SESN1: variants seen among roughly 807,000 people sequenced by gnomAD.
SESN1 encodes the protein sestrin-1.
SESN1 carries 30 observed loss-of-function variants against 59.3 expected under a neutral mutation model. The observed-to-expected ratio is 0.51, with a 90% CI of 0.38 to 0.69. SESN1 has a LOEUF of 0.69. Ranked by LOEUF, SESN1 falls within the 30% of genes least tolerant of loss-of-function variation. SESN1 has a pLI of 0.00. For missense variants in SESN1, 566 were observed against 673.0 expected (o/e 0.84, Z 1.76); for synonymous variants, 197 against 219.9 (o/e 0.90, Z 0.92).
intron 1 of SESN1, chr6:109,009,374 G>GC (rs1372669411): frequency 6.8e-7 from 1 of 1,467,640 alleles, no homozygotes; most frequent in Non-Finnish European, 9.0e-7. Context: ...CCTGGTCGCG[G>GC]CCCCCGCCGC....
At chr6:109,021,644 G>A (rs1382144689) in intron 1 of SESN1, among the ~76,000 whole-genome samples, 32 of 152,018 alleles carry the variant, frequency 2.1e-4, no homozygotes, top group Non-Finnish European at 1.5e-5. Context: ...GTTTCACTAT[G>A]TTGGCCAGGC....
chr6:109,000,487 T>G lies in SESN1; in HGVS notation c.729+4A>C, dbSNP rs1001133053. On this transcript the variant is annotated splice_donor_region_variant and intron_variant, in intron 4 of 9. Transcript: ENST00000436639. ...CTCCCAAGATATATTACCCCACTGC[T>G]TACCTCAATGTGTTCTTTGGTAATA... The G allele has an allele frequency of 6.5e-7, 1 of 1,544,758 alleles. No homozygotes were observed. Among genetic ancestry groups the G allele is most frequent in the African/African-American group, 1.4e-5 (1 of 72,512 alleles).
At position 108,994,546 on chromosome 6, in the gene SESN1, G is replaced by C. The variant is rs1218235551; in HGVS notation, c.1036C>G (p.Arg346Gly). ...TCCTGACTTGCCTCTTCTTCATCTC[G>C]ACATTCCTGTAACTGCCTCATCTTT... is the stretch of plus-strand genomic sequence containing the variant. ...MEKMRQLQEC[R>G]DEEEASQEEM... Residue 346 changes from arginine to glycine, a missense_variant, in exon 6 of 10, where the codon CGA becomes GGA. Arg to Gly is a moderately radical substitution (Grantham distance 125). Transcript: ENST00000436639. 6.2e-7 allele frequency: 1 copy of C among 1,613,094 alleles called. No individual in the cohort carries two copies. Among genetic ancestry groups the C allele is most frequent in the African/African-American group, 1.3e-5 (1 of 74,840 alleles).
At chr6:108,992,060 A>T (rs1169743320) in intron 7 of SESN1, among the ~76,000 whole-genome samples, 1 of 152,108 alleles carries the variant, frequency 6.6e-6, no homozygotes, top group East Asian at 1.9e-4. Context: ...TTGCATAATT[A>T]TTCTATAACT....
At chr6:108,989,395 A>C (rs745927960) in intron 8 of SESN1, among the ~76,000 whole-genome samples, 21 of 150,830 alleles carry the variant, frequency 1.4e-4, no homozygotes, top group Non-Finnish European at 2.5e-4. Context: ...CTCTCTCTCT[A>C]TATATAGATA....
In SESN1 at chr6:108,986,039, T is replaced by C. The variant is rs1442343097; in HGVS notation, c.*1505A>G. On this transcript the variant is annotated 3_prime_UTR_variant, in exon 10 of 10. Transcript: ENST00000436639. ...CATACATTTGTAGGCAGGCACTAGA[T>C]TGAGCTCAATAAATGTTTTGAGGAG... 1.3e-5 allele frequency among the ~76,000 whole-genome samples: 2 copies of C among 152,140 alleles called. No homozygotes were observed. Among genetic ancestry groups the C allele is most frequent in the African/African-American group, 4.8e-5 (2 of 41,434 alleles).
intron 1 of SESN1, among the ~76,000 whole-genome samples, chr6:109,035,676 C>T (rs1780238585): frequency 2.0e-5 from 3 of 152,174 alleles, no homozygotes. Flanking sequence ...TCATAATGCA[C>T]TGCTGCCTCA....
intron 1 of SESN1, among the ~76,000 whole-genome samples, chr6:109,025,812 A>T (rs1172371126): frequency 6.6e-6 from 1 of 152,114 alleles, no homozygotes; most frequent in Non-Finnish European, 1.5e-5. Flanking sequence ...GAGAGAGAAA[A>T]TAAAAGACAT....
chr6:108,989,609 ATCTC>A (rs1286145718), intron 8 of SESN1, among the ~76,000 whole-genome samples: 3 of 151,612 alleles, frequency 2.0e-5, no homozygotes, highest in East Asian at 1.9e-4. Flanking sequence ...AGAGATAGAT[ATCTC>A]TCTATATAGA....
chr6:109,030,200 C>T (rs956147986), intron 1 of SESN1, among the ~76,000 whole-genome samples: 4 of 152,134 alleles, frequency 2.6e-5, no homozygotes, highest in African/African-American at 4.8e-5. Context: ...CACTTTAGTA[C>T]ATAACAAGAA....
At chr6:109,029,125 T>G (rs1780142794) in intron 1 of SESN1, among the ~76,000 whole-genome samples, 1 of 152,218 alleles carries the variant, frequency 6.6e-6, no homozygotes, top group Non-Finnish European at 1.5e-5. Context: ...GTGGAAGATT[T>G]GCAATAATGT....
intron 1 of SESN1, among the ~76,000 whole-genome samples, chr6:109,069,427 C>T (rs1780892675): frequency 6.6e-6 from 1 of 152,132 alleles, no homozygotes; most frequent in Non-Finnish European, 1.5e-5. Context: ...AATGCCTTCA[C>T]AGTTATGAGA....
In SESN1 at chr6:109,044,122, C is replaced by T. The variant is rs115951187; in HGVS notation, c.280-41779G>A. Among the ~76,000 whole-genome samples, 1,065 of 151,236 alleles carry T rather than the reference C, an allele frequency of 7.0e-3. 11 individuals are homozygous for T. Among genetic ancestry groups the T allele is most frequent in the African/African-American group, 0.024 (992 of 41,186 alleles). On this transcript the variant is annotated intron_variant, in intron 1 of 9. Transcript: ENST00000436639. ...TTGAGCCCAGGAGTTCAAGACCAGC[C>T]GAAGCAACACAGGGAGACTCCACTA...
chr6:108,994,416 G>A (rs1408781418), intron 6 of SESN1, 46 bp downstream of exon 6: 4 of 1,497,628 alleles, frequency 2.7e-6, no homozygotes, highest in African/African-American at 1.4e-5. Context: ...TAAATAAAAA[G>A]TTGAGTTTGC....
intron 1 of SESN1, among the ~76,000 whole-genome samples, chr6:109,030,620 GAA>G (rs924111892): frequency 2.0e-5 from 3 of 151,862 alleles, no homozygotes; most frequent in Non-Finnish European, 2.9e-5. Context: ...TGTCACAAAG[GAA>G]AAAAATAAGT....
At chr6:109,015,550 T>G (rs1230259701) in intron 1 of SESN1, among the ~76,000 whole-genome samples, 1 of 152,122 alleles carries the variant, frequency 6.6e-6, no homozygotes, top group Non-Finnish European at 1.5e-5. Context: ...ATATAAAAAT[T>G]AAGTGGGAGA....
intron 4 of SESN1, chr6:108,998,962 T>G: frequency 4.9e-6 from 2 of 412,008 alleles, no homozygotes; most frequent in Non-Finnish European, 4.2e-6. Flanking sequence ...TGTTAAGACA[T>G]TCACTATTAT....
chr6:108,995,173 G>C (rs1199004245), intron 5 of SESN1, among the ~76,000 whole-genome samples: 2 of 152,232 alleles, frequency 1.3e-5, no homozygotes, highest in East Asian at 3.9e-4. Flanking sequence ...TATAAAATTA[G>C]CAATAATGTC....
intron 9 of SESN1, 82 bp downstream of exon 9, chr6:108,988,461 G>T: frequency 7.9e-7 from 1 of 1,269,832 alleles, no homozygotes. Flanking sequence ...GATGGAAAGG[G>T]TTTCAGCACC....
Sources: allele counts gnomAD v4.1 joint callset (sites outside exome capture counted in the v4.1 genomes callset), GRCh38; gene constraint gnomAD v4.1.1; transcripts MANE v1.5; gene names NCBI Gene and HGNC (gene_info 2026-07-23, HGNC 2026-07-21).